Variants in CACNA2D1 observed in about 807,000 individuals in gnomAD.
CACNA2D1 encodes voltage-dependent calcium channel subunit alpha-2/delta-1.
A neutral mutation model predicts 171.5 loss-of-function variants in CACNA2D1; 53 were observed. The ratio of observed to expected loss-of-function variants is 0.31; its 90% confidence interval spans 0.25 to 0.39. CACNA2D1 has a LOEUF of 0.39. Ranked by LOEUF, CACNA2D1 falls within the 10% of genes least tolerant of loss-of-function variation. The probability of loss-of-function intolerance (pLI) is 1.00; values close to 1 mark genes in which losing one functional copy is unlikely to be tolerated. For missense variants in CACNA2D1, 903 were observed against 1,299.8 expected (o/e 0.69, Z 4.69); for synonymous variants, 442 against 443.1 (o/e 1.00, Z 0.03).
At chr7:82,226,516 C>T (rs752128171) in intron 3 of CACNA2D1, among the ~76,000 whole-genome samples, 4 of 152,114 alleles carry the variant, frequency 2.6e-5, no homozygotes, top group Non-Finnish European at 5.9e-5. Context: ...AGATATTTTG[C>T]CATTCTGCTA....
At position 81,974,319 on chromosome 7, in the gene CACNA2D1, C is replaced by T. The variant is rs10272330; in HGVS notation, c.2053+136G>A. ...TGCAAAATTAAGGATCAAATTGTTA[C>T]ATTTTACTATTAAAAAGTTGTAAAG... On this transcript the variant is annotated intron_variant, in intron 25 of 38. Transcript: ENST00000356860. The T allele has an allele frequency of 7.8e-3, 4,240 of 545,166 alleles. 135 individuals carry two copies. The highest frequency in any genetic ancestry group is 0.068 in the African/African-American group (3,509 of 51,832). The allele number at this position is 545,166 out of a possible 1,614,324, so 33.8% of individuals were successfully genotyped here. A position where few individuals can be genotyped will look rare whatever the true frequency, so the allele number is the denominator to read the frequency against.
chr7:82,058,924 T>C (rs890980318), intron 10 of CACNA2D1, among the ~76,000 whole-genome samples: 1 of 152,144 alleles, frequency 6.6e-6, no homozygotes, highest in Non-Finnish European at 1.5e-5. Context: ...CGTGTTTTCC[T>C]ATACCTACTC....
At chr7:82,132,085 GTAAA>G (rs1448149454) in intron 5 of CACNA2D1, among the ~76,000 whole-genome samples, 10 of 152,042 alleles carry the variant, frequency 6.6e-5, no homozygotes, top group African/African-American at 2.4e-4. Context: ...CTGTAATATA[GTAAA>G]TATTTCTATT....
chr7:81,968,822 T>G (rs1794972078), intron 29 of CACNA2D1, 65 bp downstream of exon 29: 1 of 908,914 alleles, frequency 1.1e-6, no homozygotes, highest in Non-Finnish European at 1.8e-6. Context: ...ATTGCCAGTT[T>G]ATAATATAAA....
At position 81,980,172 on chromosome 7, in the gene CACNA2D1, C is replaced by CAAAAAAAAAAAAA. The variant is rs35616922; in HGVS notation, c.1955+2382_1955+2394dup. Among the ~76,000 whole-genome samples, 41 of 25,260 alleles carry CAAAAAAAAAAAAA rather than the reference C, an allele frequency of 1.6e-3. 3 individuals carry two copies. The highest frequency in any genetic ancestry group is 3.1e-3 in the South Asian group (1 of 324). 16.6% of individuals were successfully genotyped at this position (25,260 alleles called of 152,430 possible). On this transcript the variant is annotated intron_variant, in intron 24 of 38. Transcript: ENST00000356860. ...AAAAGAAGGTAAAACTAAAACCAAGCAAAAAAAAAAAAAAAAAAAAAAAAA... is the reference window on the plus strand; with the variant it reads ...AAAAGAAGGTAAAACTAAAACCAAGCAAAAAAAAAAAAAAAAAAAAAAAAAAAAAAAAAAAAAA...
In CACNA2D1 at chr7:82,013,469, TG is replaced by T; in HGVS notation, c.1263del (p.Asn422IlefsTer15). The T allele has an allele frequency of 9.1e-7, 1 of 1,099,824 alleles. No homozygotes were observed. The highest frequency in any genetic ancestry group is 1.3e-6 in the Non-Finnish European group (1 of 789,510). The allele number at this position is 1,099,824 out of a possible 1,614,324, so 68.1% of individuals were successfully genotyped here. On this transcript the variant is annotated frameshift_variant, in exon 14 of 39. Coordinates refer to ENST00000356860, the MANE Select transcript of CACNA2D1 (RefSeq NM_000722.4). LOFTEE classifies it high-confidence loss of function. ...GTTTTAAATAATCATACCTGAGTAT[TG>T]ATTCTTATTGCACCAATGGAAGGAA... is the stretch of plus-strand genomic sequence containing the variant. ...YEIPSIGAIR[I>X]NTQEYLDVLG...
intron 1 of CACNA2D1, among the ~76,000 whole-genome samples, chr7:82,383,594 A>G (rs1823959109): frequency 6.6e-6 from 1 of 152,236 alleles, no homozygotes; most frequent in South Asian, 2.1e-4. Flanking sequence ...AGTGGCAAAT[A>G]TGCTCAAAAA....
At chr7:82,058,969 G>A (rs1442550512) in intron 10 of CACNA2D1, among the ~76,000 whole-genome samples, 2 of 152,078 alleles carry the variant, frequency 1.3e-5, no homozygotes, top group Non-Finnish European at 2.9e-5. Flanking sequence ...ACATTTCAGG[G>A]ATAAATTCTC....
chr7:82,191,236 T>C (rs1022837718), intron 3 of CACNA2D1, among the ~76,000 whole-genome samples: 1 of 151,844 alleles, frequency 6.6e-6, no homozygotes, highest in Non-Finnish European at 1.5e-5. Context: ...CATTTATTGA[T>C]TGTACTTTTT....
intron 10 of CACNA2D1, among the ~76,000 whole-genome samples, chr7:82,042,173 A>T (rs972798966): frequency 6.6e-6 from 1 of 152,194 alleles, no homozygotes; most frequent in African/African-American, 2.4e-5. Flanking sequence ...TTACTCTCCT[A>T]GGAAAGTGAT....
intron 3 of CACNA2D1, among the ~76,000 whole-genome samples, chr7:82,177,661 A>G (rs1796689827): frequency 6.6e-6 from 1 of 152,170 alleles, no homozygotes; most frequent in Non-Finnish European, 1.5e-5. Flanking sequence ...AACAGAATGT[A>G]GAATAGGTAT....
chr7:82,287,582 C>A (rs1810967366), intron 3 of CACNA2D1, among the ~76,000 whole-genome samples: 1 of 152,020 alleles, frequency 6.6e-6, no homozygotes, highest in South Asian at 2.1e-4. Flanking sequence ...TTCAGAGCTC[C>A]CAGGAGAGGT....
At chr7:82,022,993 A>G (rs1801427412) in intron 12 of CACNA2D1, among the ~76,000 whole-genome samples, 1 of 151,814 alleles carries the variant, frequency 6.6e-6, no homozygotes, top group South Asian at 2.1e-4. Context: ...TCAGAGAACT[A>G]TTTCCTTACT....
chr7:82,114,893 A>T (rs990938350), intron 6 of CACNA2D1, among the ~76,000 whole-genome samples: 2 of 152,202 alleles, frequency 1.3e-5, no homozygotes, highest in African/African-American at 4.8e-5. Flanking sequence ...TCTTCTACGT[A>T]AATACATGTT....
intron 25 of CACNA2D1, among the ~76,000 whole-genome samples, chr7:81,972,883 G>A (rs2130474984): frequency 6.6e-6 from 1 of 151,732 alleles, no homozygotes; most frequent in South Asian, 2.1e-4. Context: ...CTTACACCTG[G>A]GATTAAAGGA....
chr7:82,299,802 T>C (rs1476220649), intron 3 of CACNA2D1, among the ~76,000 whole-genome samples: 1 of 152,088 alleles, frequency 6.6e-6, no homozygotes, highest in Non-Finnish European at 1.5e-5. Context: ...CCTAAATTAA[T>C]AGGATTATAG....
chr7:82,123,804 T>A (rs1378783513), intron 5 of CACNA2D1, among the ~76,000 whole-genome samples: 1 of 152,162 alleles, frequency 6.6e-6, no homozygotes, highest in East Asian at 1.9e-4. Flanking sequence ...AAATGATACA[T>A]AAAGTTATAG....
At chr7:82,420,902 A>G (rs1188377003) in intron 1 of CACNA2D1, among the ~76,000 whole-genome samples, 1 of 152,060 alleles carries the variant, frequency 6.6e-6, no homozygotes, top group Non-Finnish European at 1.5e-5. Context: ...TGGATAACAC[A>G]TAACCATCTT....
chr7:82,420,597 T>C (rs930432686), intron 1 of CACNA2D1, among the ~76,000 whole-genome samples: 1 of 152,186 alleles, frequency 6.6e-6, no homozygotes, highest in African/African-American at 2.4e-5. Flanking sequence ...TGTACTTAAC[T>C]AGACATAAGG....
Sources: gnomAD v4.1 joint callset for allele counts (sites outside exome capture counted in the v4.1 genomes callset) on GRCh38, gnomAD v4.1.1 for gene constraint, MANE v1.5 for transcripts, NCBI Gene and HGNC (gene_info 2026-07-23, HGNC 2026-07-21) for gene names.